SMC4: variants seen among roughly 807,000 people sequenced by gnomAD.
The protein encoded by SMC4 is structural maintenance of chromosomes protein 4.
A neutral mutation model predicts 145.6 loss-of-function variants in SMC4; 87 were observed. The observed-to-expected ratio is 0.60, with a 90% CI of 0.50 to 0.71. The LOEUF (loss-of-function observed/expected upper bound fraction) is 0.71. Ranked by LOEUF, SMC4 falls within the 30% of genes least tolerant of loss-of-function variation. SMC4 has a pLI of 0.00. For synonymous variants in SMC4, 558 were observed against 500.7 expected (o/e 1.11, Z -1.53); for missense variants, 1,447 against 1,537.1 (o/e 0.94, Z 0.98).
rs1207956527 is a variant in SMC4, at chr3:160,411,915, T to A, written c.688-5T>A. ...GTGAGTATGAAATATAACTTTTTTTTAAAGGGTGAAGTTGAACAAATTGCT... is the reference window on the plus strand; with the variant it reads ...GTGAGTATGAAATATAACTTTTTTTAAAAGGGTGAAGTTGAACAAATTGCT... On this transcript the variant is annotated splice_polypyrimidine_tract_variant and splice_region_variant and intron_variant, in intron 5 of 23. Transcript: ENST00000357388. The A allele has an allele frequency of 5.6e-6, 9 of 1,609,678 alleles. No homozygotes were observed. Among genetic ancestry groups the A allele is most frequent in the Non-Finnish European group, 7.6e-6 (9 of 1,178,076 alleles).
At position 160,430,228 on chromosome 3, in the gene SMC4, G is replaced by A. The variant is rs145260999; in HGVS notation, c.2796-371G>A. ...GTGTCTTGCTTTTTTGGAAGTACTT[G>A]TTGCCTTGTCTTGAATTGGGAAGTA... On this transcript the variant is annotated intron_variant, in intron 18 of 23. Transcript: ENST00000357388. Among the ~76,000 whole-genome samples the A allele has an allele frequency of 3.7e-3, 556 of 152,300 alleles. 3 individuals are homozygous for A. Among genetic ancestry groups the A allele is most frequent in the African/African-American group, 0.012 (488 of 41,558 alleles).
intron 5 of SMC4, among the ~76,000 whole-genome samples, chr3:160,411,008 C>T (rs755003794): frequency 2.0e-5 from 3 of 152,282 alleles, no homozygotes; most frequent in South Asian, 2.1e-4. Flanking sequence ...ACTCCTATAA[C>T]GTAGCAGCAT....
chr3:160,432,598 T>C, intron 22 of SMC4, 83 bp downstream of exon 22: 2 of 884,220 alleles, frequency 2.3e-6, no homozygotes, highest in South Asian at 1.9e-5. Flanking sequence ...GGAGGTAGGA[T>C]GTGAAGGCAA....
chr3:160,407,537 A>T (rs1289425193), intron 5 of SMC4, among the ~76,000 whole-genome samples: 1 of 151,148 alleles, frequency 6.6e-6, no homozygotes, highest in Non-Finnish European at 1.5e-5. Context: ...TGGGTGACAG[A>T]CCTTGTCTCT....
rs1275995056 is a variant in SMC4 at position 160,416,285 on chromosome 3, A to G, written c.1307A>G (p.Asn436Ser). 4 of 1,598,382 alleles carry G rather than the reference A, an allele frequency of 2.5e-6. No homozygotes were observed. Among genetic ancestry groups the G allele is most frequent in the Non-Finnish European group, 3.4e-6 (4 of 1,174,536 alleles). The change falls in exon 10 of 24, where the codon AAC becomes AGC. Residue 436 changes from asparagine to serine, a missense_variant. Physicochemically the swap from Asn to Ser is conservative, Grantham distance 46 (BLOSUM62 1). Transcript: ENST00000357388. ...TTTAAAAGTATACCTGCCAAGAGTA[A>G]CAATATCATTAATGAAACAACAACC... ...EEFKSIPAKS[N>S]NIINETTTRN... is the part of the protein sequence containing the mutation.
chr3:160,402,452 C>T (rs767561990), intron 3 of SMC4, among the ~76,000 whole-genome samples: 1 of 152,000 alleles, frequency 6.6e-6, no homozygotes, highest in Non-Finnish European at 1.5e-5. Flanking sequence ...TTTTCTAAAA[C>T]GTCTGCGTTA....
chr3:160,433,406 T>G (rs910270857), intron 23 of SMC4, 197 bp downstream of exon 23: 1 of 545,272 alleles, frequency 1.8e-6, no homozygotes, highest in Non-Finnish European at 3.2e-6. Flanking sequence ...GAGTAAAATA[T>G]AAATTAAAAA....
In SMC4 at chr3:160,425,022, A is replaced by ATATGTGTGTGTGTGTG. The variant is rs139267592; in HGVS notation, c.2478+4_2478+5insATGTGTGTGTGTGTGT. 33 of 1,469,446 alleles carry ATATGTGTGTGTGTGTG rather than the reference A, an allele frequency of 2.2e-5. No individual in the cohort carries two copies. The highest frequency in any genetic ancestry group is 1.9e-4 in the South Asian group (15 of 77,270). The allele number at this position is 1,469,446 out of a possible 1,614,324, so 91.0% of individuals were successfully genotyped here. ...AAAAATTTACTGCAAGCATCCAGGT[A>ATATGTGTGTGTGTGTG]TGTGTGTGTGTGTGTGTGTGTGTGT... On this transcript the variant is annotated splice_donor_region_variant and intron_variant, in intron 16 of 23. Coordinates refer to ENST00000357388, the MANE Select transcript of SMC4 (RefSeq NM_001002800.3).
intron 16 of SMC4, 106 bp downstream of exon 16, chr3:160,425,125 A>G (rs751969135): frequency 5.0e-6 from 7 of 1,413,302 alleles, no homozygotes; most frequent in Non-Finnish European, 5.6e-6. Flanking sequence ...TATTAAATAT[A>G]TAAGGGAGGG....
intron 16 of SMC4, among the ~76,000 whole-genome samples, chr3:160,425,479 A>G (rs1717695426): frequency 1.3e-5 from 2 of 151,900 alleles, no homozygotes; most frequent in African/African-American, 4.8e-5. Context: ...GTGTAGATAT[A>G]TAAAGTGTGC....
intron 2 of SMC4, among the ~76,000 whole-genome samples, chr3:160,401,532 G>A (rs1388523701): frequency 1.3e-5 from 2 of 152,150 alleles, no homozygotes; most frequent in African/African-American, 4.8e-5. Context: ...TCAGCGGTAC[G>A]GAGAATTGCA....
Position 160,430,698 on chromosome 3 carries a change from T to C in SMC4, c.2895T>C (p.Leu965=), listed in dbSNP as rs146037309. The C allele has an allele frequency of 5.5e-5, 89 of 1,613,664 alleles. No homozygotes were observed. In the African/African-American group the frequency reaches 1.2e-3, roughly 21 times the overall value. ...VDDLTAELKS[L]EDKAAEVVKN... is the part of the protein sequence containing the mutation. ...ACCTAACAGCAGAGCTGAAAAGTCT[T>C]GAGGACAAAGCAGCAGAGGTCGTAA... The change falls in exon 19 of 24, where the codon CTT becomes CTC. Residue 965 remains leucine (L), a synonymous_variant. Coordinates refer to ENST00000357388, the MANE Select transcript of SMC4 (RefSeq NM_001002800.3).
At position 160,423,804 on chromosome 3, in the gene SMC4, G is replaced by C; in HGVS notation, c.2289G>C (p.Met763Ile). The C allele has an allele frequency of 6.2e-7, 1 of 1,613,472 alleles. No homozygotes were observed. The highest frequency in any genetic ancestry group is 1.1e-5 in the South Asian group (1 of 91,004). ...GGGSKVMKGR[M>I]GSSLVIEISE... is the part of the protein sequence containing the mutation. ...GAAGCAAAGTAATGAAAGGAAGAAT[G>C]GGTTCCTCACTTGTTATTGAAATCT... Residue 763 changes from methionine (M) to isoleucine (I), a missense_variant, in exon 15 of 24, where the codon ATG becomes ATC. Coordinates refer to ENST00000357388, the MANE Select transcript of SMC4 (RefSeq NM_001002800.3).
Position 160,406,723 on chromosome 3 carries a change from A to G in SMC4, c.687+2219A>G, listed in dbSNP as rs182936916. ...TTTTTTAGAAGTTCCTAAGAGTAAA[A>G]TTTTTCAGTGTTAATATATTCGCTT... On this transcript the variant is annotated intron_variant, in intron 5 of 23. Coordinates refer to ENST00000357388, the MANE Select transcript of SMC4 (RefSeq NM_001002800.3). Among the ~76,000 whole-genome samples, 53 of 152,222 alleles carry G rather than the reference A, an allele frequency of 3.5e-4. 1 individual carries two copies. In the East Asian group the frequency reaches 9.1e-3, roughly 26 times the overall value.
chr3:160,423,605 A>G lies in SMC4; in HGVS notation c.2200A>G (p.Arg734Gly). The G allele has an allele frequency of 6.2e-7, 1 of 1,613,646 alleles. No homozygotes were observed. The highest frequency in any genetic ancestry group is 8.5e-7 in the Non-Finnish European group (1 of 1,179,686). ...AAGAGTAGCATATCAAAAAGATAGA[A>G]GATGGAGAGTGGTAACTTTACAGGG... ...ATRVAYQKDR[R>G]WRVVTLQGQI... is the part of the protein sequence containing the mutation. The change falls in exon 14 of 24, where the codon AGA becomes GGA. Residue 734 changes from arginine to glycine, a missense_variant. By Grantham distance (125) the Arg-to-Gly change is moderately radical. Coordinates refer to ENST00000357388, the MANE Select transcript of SMC4 (RefSeq NM_001002800.3).
chr3:160,433,018 C>CA lies in SMC4; in HGVS notation c.3531-7dup. ...GTAATTTGACTATGATTTTCTTAAT[C>CA]ATTTCAGTGTTCGACCACCTAAGAA... On this transcript the variant is annotated splice_polypyrimidine_tract_variant and splice_region_variant and intron_variant, in intron 22 of 23. Transcript: ENST00000357388. 3.8e-6 allele frequency: 6 copies of CA among 1,597,934 alleles called. No individual in the cohort carries two copies. Among genetic ancestry groups the CA allele is most frequent in the Non-Finnish European group, 5.1e-6 (6 of 1,166,724 alleles).
In SMC4 at chr3:160,403,474, T is replaced by C. The variant is rs574089979; in HGVS notation, c.510+607T>C. Among the ~76,000 whole-genome samples the C allele has an allele frequency of 2.0e-5, 3 of 152,290 alleles. No homozygotes were observed. In the East Asian group the frequency reaches 5.8e-4, roughly 29 times the overall value. On this transcript the variant is annotated intron_variant, in intron 4 of 23. Transcript: ENST00000357388. ...GTTTAATAATGTAGGAAATTGATTGTTCAAAAATGACTCGATGGAACCTAA... is the reference window on the plus strand; with the variant it reads ...GTTTAATAATGTAGGAAATTGATTGCTCAAAAATGACTCGATGGAACCTAA...
At chr3:160,431,537 A>G (rs983709223) in intron 20 of SMC4, 106 bp from the exon 21 acceptor site, 8 of 866,684 alleles carry the variant, frequency 9.2e-6, no homozygotes, top group Non-Finnish European at 8.8e-6. Context: ...ATCAGTCACA[A>G]CTCCTGTTGT....
intron 17 of SMC4, among the ~76,000 whole-genome samples, chr3:160,426,746 A>G (rs1336427677): frequency 1.3e-5 from 2 of 152,214 alleles, no homozygotes; most frequent in African/African-American, 4.8e-5. Flanking sequence ...TCCCCTGATC[A>G]TGCACTTGAG....
Sources: allele counts gnomAD v4.1 joint callset (sites outside exome capture counted in the v4.1 genomes callset), GRCh38; gene constraint gnomAD v4.1.1; transcripts MANE v1.5; gene names NCBI Gene and HGNC (gene_info 2026-07-23, HGNC 2026-07-21).